RAI14: variants seen among roughly 807,000 people sequenced by gnomAD.
The protein encoded by RAI14 is ankycorbin.
In RAI14, 45 loss-of-function variants were observed where a neutral mutation model predicts 115.4. The ratio of observed to expected loss-of-function variants is 0.39; its 90% CI spans 0.31 to 0.50. The LOEUF (loss-of-function observed/expected upper bound fraction) is 0.50. Among genes scored for constraint, RAI14 ranks in the 20% least tolerant of loss-of-function variants. RAI14 has a pLI of 0.85. For missense variants in RAI14, 939 were observed against 1,131.2 expected, an observed-to-expected ratio of 0.83 and a Z score of 2.44; for synonymous variants, 371 against 415.4, an observed-to-expected ratio of 0.89 and a Z score of 1.30.
intron 2 of RAI14, among the ~76,000 whole-genome samples, chr5:34,741,233 G>C (rs544691459): frequency 1.3e-5 from 2 of 152,336 alleles, no homozygotes; most frequent in South Asian, 4.1e-4. Flanking sequence ...AGTACAATCT[G>C]TTTGGGAATT....
rs745664992 is a variant in RAI14 at position 34,824,199 on chromosome 5, G to A, written c.2357G>A (p.Arg786Gln). 3.7e-6 allele frequency: 6 copies of A among 1,614,168 alleles called. No homozygotes were observed. In the South Asian group the frequency reaches 5.5e-5, roughly 15 times the overall value. The change falls in exon 15 of 18, where the codon CGG (arginine) becomes CAG (glutamine). Residue 786 changes from arginine to glutamine, a missense_variant. Arg to Gln is a conservative substitution (Grantham distance 43, BLOSUM62 1). Coordinates refer to ENST00000265109, the MANE Select transcript of RAI14 (RefSeq NM_015577.3). ...GCTATGACTGATGCAATGGTACCTCGGTCTTCCTATGAAAAACTCCAGTCA... is the reference window on the plus strand; with the variant it reads ...GCTATGACTGATGCAATGGTACCTCAGTCTTCCTATGAAAAACTCCAGTCA... ...KAAMTDAMVPRSSYEKLQSSL... is the reference protein window; with the variant it reads ...KAAMTDAMVPQSSYEKLQSSL...
At chr5:34,799,520 ACACACACACACACAC>A (rs1485401914) in intron 4 of RAI14, among the ~76,000 whole-genome samples, 27 of 116,256 alleles carry the variant, frequency 2.3e-4, no homozygotes, top group African/African-American at 7.0e-4. Context: ...ACACACACAC[ACACACACACACACAC>A]ACACAAAACC....
At chr5:34,807,958 C>A in intron 6 of RAI14, 101 bp downstream of exon 6, 1 of 922,088 alleles carries the variant, frequency 1.1e-6, no homozygotes, top group South Asian at 1.4e-5. Context: ...TCCTGGTGCT[C>A]TTTTCTGTCA....
intron 2 of RAI14, chr5:34,688,455 T>C (rs903906901): frequency 4.4e-6 from 2 of 454,180 alleles, no homozygotes; most frequent in Non-Finnish European, 7.6e-6. Context: ...ACATAAACTT[T>C]TGGTTTAAAA....
intron 3 of RAI14, among the ~76,000 whole-genome samples, chr5:34,762,427 G>A (rs1748770861): frequency 6.6e-6 from 1 of 152,006 alleles, no homozygotes; most frequent in African/African-American, 2.4e-5. Flanking sequence ...TGGGTGGTTG[G>A]GTAATGCCTT....
At chr5:34,780,554 T>A (rs1751488983) in intron 3 of RAI14, among the ~76,000 whole-genome samples, 1 of 152,052 alleles carries the variant, frequency 6.6e-6, no homozygotes, top group Admixed American at 6.5e-5. Context: ...CATCAAAAAG[T>A]GGGCAAAGGA....
chr5:34,787,893 ATTTTTTTTTTTTTTTTTTTTT>A lies in RAI14; in HGVS notation c.168-8026_168-8006del, dbSNP rs70973012. Among the ~76,000 whole-genome samples, 17 of 25,116 alleles carry A rather than the reference ATTTTTTTTTTTTTTTTTTTTT, an allele frequency of 6.8e-4. 1 individual carries two copies. The highest frequency in any genetic ancestry group is 5.4e-3 in the East Asian group (4 of 742). 16.5% of individuals were successfully genotyped at this position (25,116 alleles called of 152,430 possible). A position where few individuals can be genotyped will look rare whatever the true frequency, so the allele number is the denominator to read the frequency against. ...GGGTTTCTTAACCTGGATACTACTG[ATTTTTTTTTTTTTTTTTTTTT>A]TTTTTTTTTTTTTTTTTTTGAGACA... On this transcript the variant is annotated intron_variant, in intron 3 of 17. Coordinates refer to ENST00000265109, the MANE Select transcript of RAI14 (RefSeq NM_015577.3).
At chr5:34,723,099 C>CAAAAA (rs34763264) in intron 2 of RAI14, among the ~76,000 whole-genome samples, 3 of 85,654 alleles carry the variant, frequency 3.5e-5, no homozygotes, top group Admixed American at 1.4e-4. Context: ...GACCCTGTCT[C>CAAAAA]AAAAAAAAAA....
intron 1 of RAI14, among the ~76,000 whole-genome samples, chr5:34,662,423 CA>C (rs1489737617): frequency 6.6e-6 from 1 of 152,048 alleles, no homozygotes; most frequent in Non-Finnish European, 1.5e-5. Context: ...TAGGAGTTGA[CA>C]AAACAAAGCT....
At chr5:34,759,902 A>G (rs573326469) in intron 3 of RAI14, among the ~76,000 whole-genome samples, 4 of 152,144 alleles carry the variant, frequency 2.6e-5, no homozygotes, top group Non-Finnish European at 5.9e-5. Flanking sequence ...CACAGCACCC[A>G]GCCCACAGTG....
Position 34,738,273 on chromosome 5 carries a change from C to A in RAI14, c.37-19195C>A, listed in dbSNP as rs1043364724. The stretch of plus-strand genomic sequence containing the variant: ...ATCCCATCTCTAAAATTTAAAAAAA[C>A]AAAAACAAAACCCCAAATATTTCTG... On this transcript the variant is annotated intron_variant, in intron 2 of 17. Transcript: ENST00000265109. 8.5e-5 allele frequency among the ~76,000 whole-genome samples: 13 copies of A among 152,208 alleles called. 1 individual carries two copies. In the South Asian group the frequency reaches 2.7e-3, roughly 32 times the overall value.
intron 3 of RAI14, among the ~76,000 whole-genome samples, chr5:34,786,046 A>G (rs985381880): frequency 6.6e-6 from 1 of 152,244 alleles, no homozygotes; most frequent in Non-Finnish European, 1.5e-5. Flanking sequence ...TTTGTGCAGC[A>G]TACATCTGTG....
intron 2 of RAI14, among the ~76,000 whole-genome samples, chr5:34,720,958 T>C (rs1185929118): frequency 6.6e-6 from 1 of 152,022 alleles, no homozygotes; most frequent in African/African-American, 2.4e-5. Flanking sequence ...CCGGAGTAGC[T>C]GGAATTACAG....
At chr5:34,705,868 A>T (rs1004430449) in intron 2 of RAI14, among the ~76,000 whole-genome samples, 4 of 152,150 alleles carry the variant, frequency 2.6e-5, no homozygotes, top group Non-Finnish European at 5.9e-5. Context: ...GCTGGTCTCG[A>T]ACTCCTGACC....
At chr5:34,727,761 G>A (rs187133570) in intron 2 of RAI14, among the ~76,000 whole-genome samples, 166 of 152,246 alleles carry the variant, frequency 1.1e-3, no homozygotes, top group East Asian at 7.6e-3. Context: ...GGGAACCTCC[G>A]CCTAGATATC....
At chr5:34,670,228 G>A (rs1400429372) in intron 1 of RAI14, among the ~76,000 whole-genome samples, 1 of 152,168 alleles carries the variant, frequency 6.6e-6, no homozygotes, top group Non-Finnish European at 1.5e-5. Context: ...TTGGTCAGTT[G>A]GCCAGACTTT....
At chr5:34,829,143 A>ACACG (rs1757758534) in intron 16 of RAI14, among the ~76,000 whole-genome samples, 1 of 148,152 alleles carries the variant, frequency 6.7e-6, no homozygotes, top group Non-Finnish European at 1.5e-5. Flanking sequence ...ACATATATAC[A>ACACG]CACATATATA....
intron 2 of RAI14, among the ~76,000 whole-genome samples, chr5:34,690,429 C>T (rs1355372761): frequency 6.6e-6 from 1 of 152,180 alleles, no homozygotes; most frequent in Non-Finnish European, 1.5e-5. Flanking sequence ...TTTCAGCCAG[C>T]CTGTGTCTGG....
At chr5:34,719,783 C>T (rs1344819606) in intron 2 of RAI14, among the ~76,000 whole-genome samples, 1 of 152,146 alleles carries the variant, frequency 6.6e-6, no homozygotes, top group African/African-American at 2.4e-5. Context: ...GCGCTATATG[C>T]TAGGTGGTAA....
Sources: allele counts gnomAD v4.1 joint callset (sites outside exome capture counted in the v4.1 genomes callset), GRCh38; gene constraint gnomAD v4.1.1; transcripts MANE v1.5; gene names NCBI Gene and HGNC (gene_info 2026-07-23, HGNC 2026-07-21).